Variants in DOK5 observed in about 807,000 individuals in gnomAD.
DOK5 encodes downstream of tyrosine kinase 5.
In DOK5, 27 loss-of-function variants were observed where a neutral mutation model predicts 43.3. That is an observed-to-expected ratio of 0.62 (90% CI 0.46 to 0.86). The LOEUF is 0.86. Among genes scored for constraint, DOK5 ranks in the 40% least tolerant of loss-of-function variants. The pLI, the probability that DOK5 is intolerant of heterozygous loss-of-function variation, is 0.00. For synonymous variants in DOK5, 146 were observed against 140.1 expected (o/e 1.04, Z -0.30); for missense variants, 373 against 392.9 (o/e 0.95, Z 0.43).
chr20:54,558,712 G>A (rs1397964388), intron 2 of DOK5, among the ~76,000 whole-genome samples: 4 of 152,156 alleles, frequency 2.6e-5, no homozygotes. Context: ...CAATACGGAG[G>A]TGGTGTGGTG....
intron 2 of DOK5, among the ~76,000 whole-genome samples, chr20:54,584,559 C>A (rs1183096089): frequency 2.0e-5 from 3 of 150,896 alleles, no homozygotes; most frequent in African/African-American, 7.3e-5. Context: ...ACTTCTATAT[C>A]AAAATTAAAA....
rs373557448 is a variant in DOK5 at position 54,650,515 on chromosome 20, G to A, written c.*36G>A. ...CAAGAATTGTTAACACACTTGTGAT[G>A]TGTCAGCCACAGATTCACCCAGGAG... On this transcript the variant is annotated 3_prime_UTR_variant, in exon 8 of 8. Transcript: ENST00000262593. 5.6e-6 allele frequency: 9 copies of A among 1,599,686 alleles called. No individual in the cohort carries two copies. In the African/African-American group the frequency reaches 9.4e-5, roughly 17 times the overall value.
chr20:54,617,206 C>A (rs1986842296), intron 6 of DOK5, among the ~76,000 whole-genome samples: 1 of 152,220 alleles, frequency 6.6e-6, no homozygotes, highest in African/African-American at 2.4e-5. Flanking sequence ...CAGCTCCTGG[C>A]CACATGGACC....
intron 6 of DOK5, among the ~76,000 whole-genome samples, chr20:54,626,070 T>A (rs1987120030): frequency 6.6e-6 from 1 of 152,180 alleles, no homozygotes; most frequent in Non-Finnish European, 1.5e-5. Context: ...GGCTTTCAAC[T>A]AGCTGTCTGA....
intron 1 of DOK5, among the ~76,000 whole-genome samples, chr20:54,529,671 C>T (rs1568769110): frequency 2.0e-5 from 3 of 152,108 alleles, no homozygotes; most frequent in East Asian, 1.9e-4. Context: ...AAATTTAGAA[C>T]GTTTTCATCA....
intron 1 of DOK5, among the ~76,000 whole-genome samples, chr20:54,485,250 G>T (rs1369401622): frequency 2.0e-5 from 3 of 151,162 alleles, no homozygotes; most frequent in African/African-American, 7.3e-5. Flanking sequence ...GGATGGCGGA[G>T]GTTGCAGTGA....
Position 54,475,997 on chromosome 20 carries a change from G to T in DOK5, c.51G>T (p.Arg17=), listed in dbSNP as rs138338080. 1.2e-5 allele frequency: 19 copies of T among 1,613,346 alleles called. No individual in the cohort carries two copies. Among genetic ancestry groups the T allele is most frequent in the Non-Finnish European group, 1.5e-5 (18 of 1,179,946 alleles). ...DIVKQGYVRI[R]SRRLGIYQRC... Reference sequence around the variant, plus strand: ...TGAAGCAAGGGTACGTGAGGATCCGGAGCAGACGCCTCGGGGTGAGTATCG... The same window carrying T: ...TGAAGCAAGGGTACGTGAGGATCCGTAGCAGACGCCTCGGGGTGAGTATCG... The change falls in exon 1 of 8, where the codon CGG becomes CGT. Residue 17 remains arginine (R), a synonymous_variant. Transcript: ENST00000262593. This position sits in a 1 kb window ranked among gnomAD's most constrained non-coding sequence, Gnocchi z 4.2.
chr20:54,591,944 C>T (rs547858803), intron 5 of DOK5, 139 bp downstream of exon 5: 9 of 662,562 alleles, frequency 1.4e-5, no homozygotes, highest in South Asian at 9.5e-5. Context: ...CATAGAGTTG[C>T]GATTACATAA....
chr20:54,598,936 A>C (rs1337825964), intron 5 of DOK5, among the ~76,000 whole-genome samples: 1 of 152,228 alleles, frequency 6.6e-6, no homozygotes, highest in Non-Finnish European at 1.5e-5. Context: ...TTTTCATTCA[A>C]GAAAAAAACT....
chr20:54,595,148 T>G (rs557083428), intron 5 of DOK5, among the ~76,000 whole-genome samples: 3 of 152,188 alleles, frequency 2.0e-5, no homozygotes, highest in African/African-American at 7.2e-5. Flanking sequence ...GAGACCATCC[T>G]GGCTAACACG....
chr20:54,527,588 A>G (rs1256576194), intron 1 of DOK5, among the ~76,000 whole-genome samples: 1 of 152,202 alleles, frequency 6.6e-6, no homozygotes, highest in Non-Finnish European at 1.5e-5. Flanking sequence ...GAAGCTGGGA[A>G]ACAAAGTTGC....
rs887634653 is a variant in DOK5, at chr20:54,555,227, T to G, written c.174+187T>G. On this transcript the variant is annotated intron_variant, in intron 2 of 7. Coordinates refer to ENST00000262593, the MANE Select transcript of DOK5 (RefSeq NM_018431.5). ...TAATTGACTAATGTAAAGTCACTTT[T>G]CTGGTTTCCTGCTATTTGCTGTAGC... 9.0e-6 allele frequency: 5 copies of G among 554,564 alleles called. No homozygotes were observed. In the African/African-American group the frequency reaches 9.5e-5, roughly 11 times the overall value. 34.4% of individuals were successfully genotyped at this position (554,564 alleles called of 1,614,324 possible).
intron 7 of DOK5, among the ~76,000 whole-genome samples, chr20:54,645,470 T>G (rs2146833761): frequency 6.6e-6 from 1 of 152,194 alleles, no homozygotes; most frequent in Middle Eastern, 3.4e-3. Flanking sequence ...CAGCATTTTT[T>G]TCTCAGTCTT....
At chr20:54,572,483 T>G (rs1985315313) in intron 2 of DOK5, among the ~76,000 whole-genome samples, 1 of 151,842 alleles carries the variant, frequency 6.6e-6, no homozygotes, top group Admixed American at 6.6e-5. Flanking sequence ...ATATGTACAA[T>G]GGGAATACAA....
intron 1 of DOK5, among the ~76,000 whole-genome samples, chr20:54,495,919 G>C (rs544706096): frequency 1.9e-4 from 29 of 152,222 alleles, no homozygotes; most frequent in South Asian, 8.3e-4. Flanking sequence ...CATTTCCCAG[G>C]CTTCTGGGGT....
At chr20:54,512,969 C>A (rs187708142) in intron 1 of DOK5, among the ~76,000 whole-genome samples, 1 of 152,300 alleles carries the variant, frequency 6.6e-6, no homozygotes, top group Non-Finnish European at 1.5e-5. Flanking sequence ...TGCTGGGCAT[C>A]TCACTGATGG....
chr20:54,537,769 T>C lies in DOK5; in HGVS notation c.67-17164T>C, dbSNP rs934747163. 1.9e-4 allele frequency among the ~76,000 whole-genome samples: 28 copies of C among 150,732 alleles called. 1 individual carries two copies. The South Asian group carries it at 5.7e-3, about 31-fold the overall frequency. The stretch of plus-strand genomic sequence containing the variant: ...ATGGGACTGAAAAGTGTGGAAGTCC[T>C]CATCTACCATTGCTGACAGAATCTT... On this transcript the variant is annotated intron_variant, in intron 1 of 7. Transcript: ENST00000262593.
intron 1 of DOK5, among the ~76,000 whole-genome samples, chr20:54,500,083 AG>A (rs1158429110): frequency 6.6e-5 from 10 of 152,228 alleles, no homozygotes; most frequent in Non-Finnish European, 1.5e-5. Flanking sequence ...TCTGCAAATG[AG>A]GAGAAACTTC....
At chr20:54,569,258 T>C (rs1272847895) in intron 2 of DOK5, among the ~76,000 whole-genome samples, 2 of 152,176 alleles carry the variant, frequency 1.3e-5, no homozygotes, top group East Asian at 3.8e-4. Flanking sequence ...GGCAGTTCCT[T>C]TCATATTCAA....
Sources: allele counts gnomAD v4.1 joint callset (sites outside exome capture counted in the v4.1 genomes callset), GRCh38; gene constraint gnomAD v4.1.1; non-coding constraint Gnocchi (gnomAD v3.1); transcripts MANE v1.5; gene names NCBI Gene and HGNC (gene_info 2026-07-23, HGNC 2026-07-21).